Variants in DMXL1 observed in about 807,000 individuals in gnomAD.
DMXL1 encodes the protein Dmx like 1.
A neutral mutation model predicts 319.2 loss-of-function variants in DMXL1; 99 were observed. The observed-to-expected ratio is 0.31, with a 90% CI of 0.26 to 0.37. The LOEUF is 0.37. DMXL1 is among the 10% of genes least tolerant of loss of function. The pLI is 1.00. For missense variants in DMXL1, 3,745 were observed against 3,595.6 expected, an observed-to-expected ratio of 1.04 and a Z score of -1.06; for synonymous variants, 1,385 against 1,235.2, an observed-to-expected ratio of 1.12 and a Z score of -2.54.
intron 38 of DMXL1, among the ~76,000 whole-genome samples, chr5:119,226,983 T>G (rs1350430357): frequency 1.3e-5 from 2 of 152,154 alleles, no homozygotes; most frequent in African/African-American, 4.8e-5. Context: ...TCATCAGATC[T>G]CCTTGTTCAA....
intron 32 of DMXL1, among the ~76,000 whole-genome samples, chr5:119,201,440 T>C (rs888987080): frequency 3.3e-5 from 5 of 152,228 alleles, no homozygotes; most frequent in African/African-American, 1.2e-4. Flanking sequence ...GTGAATTAGC[T>C]TTTTGATGTG....
chr5:119,103,038 A>G (rs934683744), intron 3 of DMXL1, among the ~76,000 whole-genome samples: 3 of 151,950 alleles, frequency 2.0e-5, no homozygotes, highest in Non-Finnish European at 2.9e-5. Flanking sequence ...GAATTTACCT[A>G]TGTAACAAAT....
chr5:119,150,300 C>A lies in DMXL1; in HGVS notation c.4473C>A (p.Gly1491=). The A allele has an allele frequency of 1.2e-6, 2 of 1,613,796 alleles. No homozygotes were observed. Among genetic ancestry groups the A allele is most frequent in the South Asian group, 1.1e-5 (1 of 91,068 alleles). The part of the protein sequence containing the change: ...FGPEHAQVLS[G]HLLHSSLPGL... ...CTGAGCATGCTCAGGTTCTTTCTGGCCACTTACTTCATTCTAGTTTACCAG... is the reference window on the plus strand; with the variant it reads ...CTGAGCATGCTCAGGTTCTTTCTGGACACTTACTTCATTCTAGTTTACCAG... Residue 1491 remains glycine, a synonymous_variant, in exon 18 of 44, where the codon GGC becomes GGA. Transcript: ENST00000539542.
At chr5:119,077,787 G>GTGTA (rs1362828053) in intron 1 of DMXL1, among the ~76,000 whole-genome samples, 2,440 of 136,702 alleles carry the variant, frequency 0.018, 44 homozygotes, top group African/African-American at 0.029. Context: ...GTGTGTGTGT[G>GTGTA]TATATCTGTA....
In DMXL1 at chr5:119,247,097, A is replaced by G; in HGVS notation, c.9025A>G (p.Thr3009Ala). 6.2e-7 allele frequency: 1 copy of G among 1,614,164 alleles called. No individual in the cohort carries two copies. Among genetic ancestry groups the G allele is most frequent in the Non-Finnish European group, 8.5e-7 (1 of 1,179,980 alleles). ...NIGTGVMQIE[T>A]GPANHIFSCG... ...TGGAACTGGAGTGATGCAAATTGAG[A>G]CAGGGCCTGCAAATCACATTTTCTC... Residue 3009 changes from threonine to alanine, a missense_variant, in exon 44 of 44, where the codon ACA (threonine) becomes GCA (alanine). This residue lies in a region of DMXL1 where 262 missense variants were observed against 320.5 expected (regional missense o/e 0.82). Coordinates refer to ENST00000539542, the MANE Select transcript of DMXL1 (RefSeq NM_001290321.3).
At chr5:119,129,530 C>T (rs1448602348) in intron 10 of DMXL1, 107 bp downstream of exon 10, 2 of 736,546 alleles carry the variant, frequency 2.7e-6, no homozygotes, top group South Asian at 1.9e-5. Context: ...GTTGCAATGA[C>T]ATGATCCAAA....
intron 28 of DMXL1, among the ~76,000 whole-genome samples, chr5:119,188,622 G>A (rs2150364946): frequency 6.6e-6 from 1 of 152,156 alleles, no homozygotes; most frequent in Admixed American, 6.5e-5. Context: ...ATGTTAGTAA[G>A]AACAAAGAAA....
In DMXL1 at chr5:119,203,450, A is replaced by G; in HGVS notation, c.7863+14A>G. On this transcript the variant is annotated intron_variant, in intron 33 of 43. Transcript: ENST00000539542. ...TGTCTAAATGAGGTCTGTATAAGTT[A>G]AAACCTGTTTACTATTTTATTATTG... 1 of 1,445,784 alleles carries G rather than the reference A, an allele frequency of 6.9e-7. No homozygotes were observed. Among genetic ancestry groups the G allele is most frequent in the Middle Eastern group, 1.8e-4 (1 of 5,576 alleles). 89.6% of individuals were successfully genotyped at this position (1,445,784 alleles called of 1,614,324 possible). A position where few individuals can be genotyped will look rare whatever the true frequency, so the allele number is the denominator to read the frequency against.
intron 7 of DMXL1, 71 bp downstream of exon 7, chr5:119,116,407 A>G (rs1760855928): frequency 1.3e-6 from 2 of 1,500,472 alleles, no homozygotes; most frequent in African/African-American, 2.8e-5. Flanking sequence ...TGCTTCTCTC[A>G]CTTTTGAGAG....
intron 6 of DMXL1, 70 bp downstream of exon 6, chr5:119,114,611 T>C: frequency 1.0e-6 from 1 of 973,388 alleles, no homozygotes. Context: ...AAACATCAAC[T>C]GGCTTCATTC....
chr5:119,089,671 G>T (rs1462719914), intron 1 of DMXL1, among the ~76,000 whole-genome samples: 1 of 147,838 alleles, frequency 6.8e-6, no homozygotes, highest in East Asian at 2.0e-4. Context: ...TGTTGCCCAG[G>T]CTGGTGTGCA....
rs1056522946 is a variant in DMXL1, at chr5:119,148,671, G to A, written c.2912-68G>A. 1.7e-5 allele frequency: 25 copies of A among 1,469,310 alleles called. No individual in the cohort carries two copies. The South Asian group carries it at 1.9e-4, about 11-fold the overall frequency. The allele number at this position is 1,469,310 out of a possible 1,614,324, so 91.0% of individuals were successfully genotyped here. A position where few individuals can be genotyped will look rare whatever the true frequency, so the allele number is the denominator to read the frequency against. The stretch of plus-strand genomic sequence containing the variant: ...GTAGTTAATACAAAAGACTAAAATC[G>A]TAAGTACATAAAAACAGAAGTATTT... On this transcript the variant is annotated intron_variant, in intron 17 of 43. Coordinates refer to ENST00000539542, the MANE Select transcript of DMXL1 (RefSeq NM_001290321.3).
intron 25 of DMXL1, among the ~76,000 whole-genome samples, chr5:119,173,460 A>G (rs1003840824): frequency 1.3e-5 from 2 of 151,462 alleles, no homozygotes; most frequent in Non-Finnish European, 1.5e-5. Flanking sequence ...TGGGCCAGCT[A>G]TACTAATGTC....
intron 31 of DMXL1, 84 bp downstream of exon 31, chr5:119,196,540 G>A: frequency 3.5e-6 from 3 of 850,278 alleles, no homozygotes. Context: ...TTTTTGGTCT[G>A]GACTGGGGGG....
chr5:119,141,265 A>C (rs536872065), intron 13 of DMXL1, among the ~76,000 whole-genome samples: 2 of 152,116 alleles, frequency 1.3e-5, no homozygotes, highest in South Asian at 4.1e-4. Flanking sequence ...AGCAATCAGG[A>C]AAGAGGAATA....
At chr5:119,114,206 C>T (rs576224013) in intron 5 of DMXL1, among the ~76,000 whole-genome samples, 1 of 152,310 alleles carries the variant, frequency 6.6e-6, no homozygotes, top group East Asian at 1.9e-4. Flanking sequence ...ACCATTCTCT[C>T]TCATTCTAAG....
chr5:119,121,488 C>G (rs1176669998), intron 9 of DMXL1, among the ~76,000 whole-genome samples: 5 of 151,862 alleles, frequency 3.3e-5, no homozygotes, highest in Non-Finnish European at 5.9e-5. Flanking sequence ...TGACTCTTAA[C>G]GAGCATGCTG....
rs1000908875 is a variant in DMXL1, at chr5:119,132,728, A to T, written c.1316-404A>T. The T allele has an allele frequency of 1.1e-5, 6 of 524,172 alleles. No individual in the cohort carries two copies. In the African/African-American group the frequency reaches 1.2e-4, roughly 10 times the overall value. The allele number at this position is 524,172 out of a possible 1,614,324, so 32.5% of individuals were successfully genotyped here. On this transcript the variant is annotated intron_variant, in intron 10 of 43. Coordinates refer to ENST00000539542, the MANE Select transcript of DMXL1 (RefSeq NM_001290321.3). ...CTTTTCTGGGTTGACAATTAGTCCT[A>T]TATTGGCATTGCTGCTGGCTATGAA...
chr5:119,203,030 T>A (rs979924639), intron 32 of DMXL1, among the ~76,000 whole-genome samples: 5 of 151,658 alleles, frequency 3.3e-5, no homozygotes, highest in African/African-American at 1.2e-4. Flanking sequence ...TGAAAACATA[T>A]GAAATTCAAA....
Sources: gnomAD v4.1 joint callset for allele counts (sites outside exome capture counted in the v4.1 genomes callset) on GRCh38, gnomAD v4.1.1 for gene constraint, gnomAD v4.1.1 regional missense constraint, MANE v1.5 for transcripts, NCBI Gene and HGNC (gene_info 2026-07-23, HGNC 2026-07-21) for gene names.